CLIC2: variants seen among roughly 807,000 people sequenced by gnomAD.
The protein encoded by CLIC2 is CLIC family member 2.
Under a neutral mutation model 14.8 loss-of-function variants are expected in CLIC2, and 9 were observed. That is an observed-to-expected ratio of 0.61 (90% CI 0.37 to 1.06). CLIC2 has a LOEUF of 1.06. CLIC2 is among the 50% of genes least tolerant of loss of function. CLIC2 has a pLI of 0.01. For missense variants in CLIC2, 148 were observed against 181.4 expected, an observed-to-expected ratio of 0.82 and a Z score of 1.06; for synonymous variants, 61 against 66.3, an observed-to-expected ratio of 0.92 and a Z score of 0.39.
chrX:155,288,014 T>C (rs192312096), intron 3 of CLIC2, among the ~76,000 whole-genome samples: 250 of 111,966 alleles, frequency 2.2e-3, no homozygotes, highest in Non-Finnish European at 3.2e-3. Context: ...TGTGTGGCAA[T>C]TGTGAATGGG....
chrX:155,319,504 G>A (rs1275699131), intron 1 of CLIC2, among the ~76,000 whole-genome samples: 1 of 112,145 alleles, frequency 8.9e-6, no homozygotes, highest in Admixed American at 9.4e-5. Flanking sequence ...GGACTGTGCC[G>A]TGAGGAATGG....
chrX:155,289,796 T>TA (rs1213704578), intron 3 of CLIC2, among the ~76,000 whole-genome samples: 22 of 111,242 alleles, frequency 2.0e-4, no homozygotes, highest in African/African-American at 6.9e-4. Flanking sequence ...TAATGCTGTT[T>TA]AAAAAAAAGT....
chrX:155,292,866 T>C, intron 3 of CLIC2: 1 of 1,054,154 alleles, frequency 9.5e-7, no homozygotes, highest in Non-Finnish European at 1.3e-6. Context: ...AAGAGCTTAT[T>C]TTGACTTGCA....
At chrX:155,319,138 A>G (rs1426009533) in intron 1 of CLIC2, among the ~76,000 whole-genome samples, 2 of 112,208 alleles carry the variant, frequency 1.8e-5, no homozygotes, top group Admixed American at 9.4e-5. Context: ...TCTCTTCTAG[A>G]CATTGGTTTA....
chrX:155,292,861 C>T, intron 3 of CLIC2: 1 of 1,041,476 alleles, frequency 9.6e-7, no homozygotes, highest in Non-Finnish European at 1.3e-6. Flanking sequence ...GAAAGAAGAG[C>T]TTATTTTGAC....
intron 1 of CLIC2, among the ~76,000 whole-genome samples, chrX:155,321,041 C>A (rs1427922274): frequency 2.7e-5 from 3 of 111,500 alleles, no homozygotes; most frequent in African/African-American, 9.8e-5. Flanking sequence ...ACAAACAAAG[C>A]CTCCAAGAAA....
intron 1 of CLIC2, among the ~76,000 whole-genome samples, chrX:155,317,927 C>A (rs938073118): frequency 1.3e-4 from 14 of 111,785 alleles, no homozygotes; most frequent in African/African-American, 4.2e-4. Flanking sequence ...ATGTCATACA[C>A]CACATAGAAA....
chrX:155,288,160 A>T (rs782599724), intron 3 of CLIC2, among the ~76,000 whole-genome samples: 1 of 111,667 alleles, frequency 9.0e-6, no homozygotes, highest in South Asian at 3.7e-4. Flanking sequence ...GGTTGAGAGT[A>T]TGGGGTTTTC....
In CLIC2 at chrX:155,286,322, A is replaced by G. The variant is rs1056193331; in HGVS notation, c.294-6254T>C. Among the ~76,000 whole-genome samples the G allele has an allele frequency of 7.1e-5, 8 of 112,137 alleles. No homozygotes were observed. The Admixed American group carries it at 7.6e-4, about 11-fold the overall frequency. On this transcript the variant is annotated intron_variant, in intron 3 of 5. Transcript: ENST00000369449. ...AAAAGACACGATCTCATTCTTTTCT[A>G]TGGCTGCATACTATTCCATGGTATA... is the stretch of plus-strand genomic sequence containing the variant.
intron 1 of CLIC2, among the ~76,000 whole-genome samples, chrX:155,307,275 T>C (rs782428201): frequency 9.0e-5 from 10 of 111,242 alleles, no homozygotes; most frequent in Middle Eastern, 4.6e-3. Flanking sequence ...AAGTAGCATT[T>C]AAACTAAGTT....
intron 1 of CLIC2, among the ~76,000 whole-genome samples, chrX:155,302,919 G>A (rs1341270934): frequency 3.4e-5 from 3 of 88,594 alleles, no homozygotes; most frequent in Non-Finnish European, 6.7e-5. Context: ...CTGAGTTCTA[G>A]TTTGATTGCA....
chrX:155,333,996 G>A (rs2075165790), intron 1 of CLIC2, among the ~76,000 whole-genome samples: 1 of 110,906 alleles, frequency 9.0e-6, no homozygotes, highest in Non-Finnish European at 1.9e-5. Flanking sequence ...CAGATTTTGA[G>A]ACTTGGAAAG....
At chrX:155,332,638 G>A (rs887260045) in intron 1 of CLIC2, among the ~76,000 whole-genome samples, 1 of 54,818 alleles carries the variant, frequency 1.8e-5, no homozygotes, top group Non-Finnish European at 4.9e-5. Context: ...ATTCATAAAA[G>A]AGGGTTAATA....
intron 1 of CLIC2, among the ~76,000 whole-genome samples, chrX:155,299,821 G>A (rs1211697148): frequency 2.0e-5 from 2 of 98,360 alleles, no homozygotes; most frequent in Non-Finnish European, 4.0e-5. Flanking sequence ...GTGAGAATAT[G>A]CGGTGTTTGG....
intron 3 of CLIC2, among the ~76,000 whole-genome samples, chrX:155,286,640 C>A (rs2074944016): frequency 1.8e-5 from 2 of 112,274 alleles, no homozygotes; most frequent in Admixed American, 1.9e-4. Flanking sequence ...TTGCCAGCAT[C>A]TGCTATTTCT....
intron 1 of CLIC2, among the ~76,000 whole-genome samples, chrX:155,302,255 G>A (rs1321642241): frequency 4.6e-5 from 5 of 108,049 alleles, no homozygotes; most frequent in Non-Finnish European, 7.7e-5. Context: ...CACAATTTCA[G>A]CTCCTGTTAT....
chrX:155,284,097 C>T (rs1207329584), intron 3 of CLIC2, among the ~76,000 whole-genome samples: 1 of 111,066 alleles, frequency 9.0e-6, no homozygotes, highest in African/African-American at 3.3e-5. Flanking sequence ...TGAAATTTAG[C>T]CAGAATTGAG....
chrX:155,329,914 A>G (rs964333456), intron 1 of CLIC2, among the ~76,000 whole-genome samples: 22 of 111,485 alleles, frequency 2.0e-4, no homozygotes, highest in Non-Finnish European at 3.0e-4. Flanking sequence ...GACGTCATAT[A>G]TTACATAAAA....
chrX:155,295,511 C>T (rs189484720), intron 3 of CLIC2, among the ~76,000 whole-genome samples: 1 of 110,764 alleles, frequency 9.0e-6, no homozygotes, highest in Admixed American at 9.7e-5. Context: ...ATTGGAAGTC[C>T]TAGGTATGGC....
Sources: allele counts gnomAD v4.1 joint callset (sites outside exome capture counted in the v4.1 genomes callset), GRCh38; gene constraint gnomAD v4.1.1; transcripts MANE v1.5; gene names NCBI Gene and HGNC (gene_info 2026-07-23, HGNC 2026-07-21).